ADAM19: variants seen among roughly 807,000 people sequenced by gnomAD.
ADAM19 encodes ADAM metallopeptidase domain 19.
ADAM19 carries 65 observed loss-of-function variants against 114.7 expected under a neutral mutation model. That is an observed-to-expected ratio of 0.57 (90% CI 0.46 to 0.70). ADAM19 has a LOEUF of 0.70. Ranked by LOEUF, ADAM19 falls within the 30% of genes least tolerant of loss-of-function variation. ADAM19 has a pLI of 0.00. For synonymous variants in ADAM19, 466 were observed against 460.5 expected, an observed-to-expected ratio of 1.01 and a Z score of -0.15; for missense variants, 1,063 against 1,204.7, an observed-to-expected ratio of 0.88 and a Z score of 1.74.
intron 5 of ADAM19, among the ~76,000 whole-genome samples, chr5:157,529,242 CACATAGT>C (rs1756558382): frequency 6.6e-6 from 1 of 151,312 alleles, no homozygotes; most frequent in East Asian, 1.9e-4. Flanking sequence ...ACAGAGGCAC[CACATAGT>C]ACAGACAATC....
At chr5:157,541,596 C>T (rs1298590152) in intron 3 of ADAM19, among the ~76,000 whole-genome samples, 2 of 152,120 alleles carry the variant, frequency 1.3e-5, no homozygotes, top group South Asian at 2.1e-4. Context: ...CCCCAAATAC[C>T]GGACATAAAA....
At chr5:157,562,073 C>T (rs1025377679) in intron 3 of ADAM19, among the ~76,000 whole-genome samples, 3 of 152,142 alleles carry the variant, frequency 2.0e-5, no homozygotes, top group Admixed American at 6.5e-5. Context: ...AAATCATCTC[C>T]CCCGCTCCAA....
chr5:157,522,205 C>A (rs1310139510), intron 5 of ADAM19, among the ~76,000 whole-genome samples: 1 of 152,208 alleles, frequency 6.6e-6, no homozygotes, highest in African/African-American at 2.4e-5. Context: ...TTGTCCCCAA[C>A]GTACAAATGG....
At chr5:157,550,826 C>G (rs2113778213) in intron 3 of ADAM19, among the ~76,000 whole-genome samples, 1 of 152,268 alleles carries the variant, frequency 6.6e-6, no homozygotes, top group Admixed American at 6.5e-5. Context: ...CCAAGGGCAA[C>G]TTGCCTTTAT....
intron 3 of ADAM19, among the ~76,000 whole-genome samples, chr5:157,540,322 CACAGACTGCGCCATGT>C (rs1425537009): frequency 5.9e-5 from 9 of 152,228 alleles, no homozygotes. Flanking sequence ...GGTTTGCTTT[CACAGACTGCGCCATGT>C]ACAGCTGGTC....
chr5:157,502,771 C>T, intron 12 of ADAM19, 32 bp downstream of exon 12: 1 of 1,599,984 alleles, frequency 6.3e-7, no homozygotes, highest in Non-Finnish European at 8.6e-7. Flanking sequence ...GCAAATTCTT[C>T]CCCTCCCACT....
At chr5:157,509,757 CA>C (rs1261898990) in intron 8 of ADAM19, among the ~76,000 whole-genome samples, 1 of 152,080 alleles carries the variant, frequency 6.6e-6, no homozygotes, top group Non-Finnish European at 1.5e-5. Context: ...GGCAGAACTG[CA>C]GTGACTTTGT....
At chr5:157,566,547 G>C (rs1035438275) in intron 2 of ADAM19, 1 of 152,120 alleles carries the variant, frequency 6.6e-6, no homozygotes, top group African/African-American at 2.4e-5. Flanking sequence ...AAATCTCCAC[G>C]CTTCAACAAT....
chr5:157,502,873 A>G lies in ADAM19; in HGVS notation c.1238T>C (p.Leu413Ser). The G allele has an allele frequency of 6.2e-7, 1 of 1,614,058 alleles. No homozygotes were observed. Among genetic ancestry groups the G allele is most frequent in the Middle Eastern group, 1.6e-4 (1 of 6,062 alleles). ...GTTCCCACACCTCCGGCCTCCATAC[A>G]ACATCCTGGTGTCTGGCATGTTGGA... ...CLSNMPDTRM[L>S]YGGRRCGNGY... The change falls in exon 12 of 23, where the codon TTG becomes TCG. Residue 413 changes from leucine (L) to serine (S), a missense_variant. Leu to Ser is a moderately radical substitution (Grantham distance 145, BLOSUM62 -2). Around this residue, in one of 3 missense-constraint regions of ADAM19, gnomAD observed 615 missense variants for 706.3 expected, o/e 0.87. Coordinates refer to ENST00000257527, the MANE Select transcript of ADAM19 (RefSeq NM_033274.5).
At chr5:157,514,024 T>C (rs147949839) in intron 7 of ADAM19, among the ~76,000 whole-genome samples, 7 of 152,308 alleles carry the variant, frequency 4.6e-5, no homozygotes, top group African/African-American at 1.4e-4. Context: ...GAGATCTTGG[T>C]TCTAGCCTAG....
chr5:157,561,206 G>A (rs538244914), intron 3 of ADAM19, among the ~76,000 whole-genome samples: 127 of 152,320 alleles, frequency 8.3e-4, no homozygotes, highest in Middle Eastern at 3.4e-3. Flanking sequence ...ACAGGCTGCC[G>A]GCTGCCGCGC....
At position 157,479,309 on chromosome 5, in the gene ADAM19, C is replaced by G. The variant is rs1175426444; in HGVS notation, c.*1640G>C. On this transcript the variant is annotated 3_prime_UTR_variant, in exon 23 of 23. Transcript: ENST00000257527. Reference sequence around the variant, plus strand: ...AGAAGCACCTATTGTGTGCAGAGAACTATAAGGAGGCCCTGGGGTGGTGAA... The same window carrying G: ...AGAAGCACCTATTGTGTGCAGAGAAGTATAAGGAGGCCCTGGGGTGGTGAA... 1.0e-6 allele frequency: 1 copy of G among 985,824 alleles called. No individual in the cohort carries two copies. The highest frequency in any genetic ancestry group is 1.7e-5 in the African/African-American group (1 of 57,214). The allele number at this position is 985,824 out of a possible 1,614,324, so 61.1% of individuals were successfully genotyped here.
intron 21 of ADAM19, 152 bp from the exon 22 acceptor site, chr5:157,482,095 T>A (rs1211818156): frequency 9.3e-6 from 6 of 648,102 alleles, no homozygotes; most frequent in Non-Finnish European, 1.5e-5. Context: ...GTGTTTATAT[T>A]CTCAAGAGGA....
intron 5 of ADAM19, among the ~76,000 whole-genome samples, chr5:157,522,265 A>G (rs950851423): frequency 6.6e-6 from 1 of 151,650 alleles, no homozygotes; most frequent in Non-Finnish European, 1.5e-5. Flanking sequence ...CACAAACAGT[A>G]AGAGTAAGAG....
chr5:157,552,870 C>G (rs894631318), intron 3 of ADAM19, among the ~76,000 whole-genome samples: 4 of 151,948 alleles, frequency 2.6e-5, no homozygotes, highest in Non-Finnish European at 5.9e-5. Flanking sequence ...AGAATGAGCT[C>G]CAGTCATTTG....
rs1755108098 is a variant in ADAM19, at chr5:157,490,309, C to T, written c.2240+1G>A. The T allele has an allele frequency of 1.1e-5, 18 of 1,614,116 alleles. No individual in the cohort carries two copies. Among genetic ancestry groups the T allele is most frequent in the Non-Finnish European group, 1.4e-5 (17 of 1,180,012 alleles). On this transcript the variant is annotated splice_donor_variant, in intron 19 of 22. Coordinates refer to ENST00000257527, the MANE Select transcript of ADAM19 (RefSeq NM_033274.5). LOFTEE classifies it high-confidence loss of function. ...GAGTCCTCCATTGAACCCTGTCATACCTGAACTGTTGCCTCAGCTTGGAAG... is the reference window on the plus strand; with the variant it reads ...GAGTCCTCCATTGAACCCTGTCATATCTGAACTGTTGCCTCAGCTTGGAAG...
At chr5:157,505,913 C>T in intron 10 of ADAM19, 105 bp from the exon 11 acceptor site, 1 of 1,305,798 alleles carries the variant, frequency 7.7e-7, no homozygotes, top group South Asian at 1.5e-5. Flanking sequence ...CCACCAATTC[C>T]ACTGTCACTG....
intron 7 of ADAM19, among the ~76,000 whole-genome samples, chr5:157,517,596 C>T (rs1337968540): frequency 6.6e-6 from 1 of 152,210 alleles, no homozygotes; most frequent in East Asian, 1.9e-4. Flanking sequence ...ACTTTCATCC[C>T]TCCTAATGGT....
At chr5:157,495,029 ACCC>A (rs1755311361) in intron 14 of ADAM19, among the ~76,000 whole-genome samples, 1 of 151,638 alleles carries the variant, frequency 6.6e-6, no homozygotes, top group Non-Finnish European at 1.5e-5. Context: ...TCGCTCTGTC[ACCC>A]AAGCTGTAAT....
Sources: allele counts gnomAD v4.1 joint callset (sites outside exome capture counted in the v4.1 genomes callset), GRCh38; gene constraint gnomAD v4.1.1; regional missense constraint gnomAD v4.1.1; transcripts MANE v1.5; gene names NCBI Gene and HGNC (gene_info 2026-07-23, HGNC 2026-07-21).